ZDHHC9: variants seen among roughly 807,000 people sequenced by gnomAD.
The protein encoded by ZDHHC9 is palmitoyltransferase ZDHHC9.
Under a neutral mutation model 26.6 loss-of-function variants are expected in ZDHHC9, and 3 were observed. That is an observed-to-expected ratio of 0.11 (90% CI 0.05 to 0.29). ZDHHC9 has a LOEUF of 0.29. Ranked by LOEUF, ZDHHC9 falls within the 10% of genes least tolerant of loss-of-function variation. The pLI is 1.00. For missense variants in ZDHHC9, 146 were observed against 296.4 expected (o/e 0.49, Z 3.73); for synonymous variants, 111 against 109.4 (o/e 1.01, Z -0.09).
At chrX:129,809,018 T>C (rs1927578599) in intron 10 of ZDHHC9, among the ~76,000 whole-genome samples, 1 of 112,352 alleles carries the variant, frequency 8.9e-6, no homozygotes, top group Non-Finnish European at 1.9e-5. Context: ...CACAATGAGA[T>C]ACCACTTCAC....
At chrX:129,838,448 G>A (rs1409588251) in intron 3 of ZDHHC9, among the ~76,000 whole-genome samples, 2 of 111,883 alleles carry the variant, frequency 1.8e-5, no homozygotes, top group African/African-American at 6.5e-5. Context: ...GAGGCAGGTG[G>A]ATAACTTGAG....
At chrX:129,839,840 T>A (rs1471713846) in intron 3 of ZDHHC9, among the ~76,000 whole-genome samples, 1 of 111,790 alleles carries the variant, frequency 8.9e-6, no homozygotes, top group African/African-American at 3.3e-5. Context: ...ACACATTTAC[T>A]TCCTTCTCCC....
chrX:129,814,674 G>A lies in ZDHHC9; in HGVS notation c.609C>T (p.Ile203=), dbSNP rs781147368. The A allele has an allele frequency of 4.1e-6, 5 of 1,209,246 alleles. No individual in the cohort carries two copies. Among genetic ancestry groups the A allele is most frequent in the African/African-American group, 3.5e-5 (2 of 57,036 alleles). The change falls in exon 6 of 11, where the codon ATC becomes ATT. Residue 203 remains isoleucine (I), a synonymous_variant. Coordinates refer to ENST00000357166, the MANE Select transcript of ZDHHC9 (RefSeq NM_016032.4). The stretch of plus-strand genomic sequence containing the variant: ...TATACTCACTGAGGGCCACATAGAC[G>A]ATGTTGAAGGCGAAGACATAGATTG... ...LLTIYVFAFN[I]VYVALKSLKI...
intron 5 of ZDHHC9, among the ~76,000 whole-genome samples, chrX:129,820,337 T>C (rs1927854034): frequency 9.2e-6 from 1 of 108,189 alleles, no homozygotes; most frequent in African/African-American, 3.4e-5. Flanking sequence ...CACAACACTT[T>C]GGGAAGCTGC....
intron 5 of ZDHHC9, among the ~76,000 whole-genome samples, chrX:129,821,296 CT>C (rs748605366): frequency 1.7e-3 from 172 of 99,154 alleles, no homozygotes; most frequent in Admixed American, 2.0e-3. Flanking sequence ...AGACCTTCTT[CT>C]TTTTTTTTTT....
chrX:129,823,456 T>A, intron 5 of ZDHHC9: 1 of 413,312 alleles, frequency 2.4e-6, no homozygotes, highest in Non-Finnish European at 4.2e-6. Flanking sequence ...AAGAGGTTTT[T>A]GTAAAGTTTA....
At chrX:129,820,425 CAAA>C (rs72086397) in intron 5 of ZDHHC9, among the ~76,000 whole-genome samples, 7,702 of 64,802 alleles carry the variant, frequency 0.12, 810 homozygotes, top group African/African-American at 0.32. Context: ...ACAAAAAATA[CAAA>C]AAAAAAAAAA....
intron 10 of ZDHHC9, among the ~76,000 whole-genome samples, chrX:129,810,156 C>G (rs1927605160): frequency 9.2e-6 from 1 of 108,628 alleles, no homozygotes; most frequent in Non-Finnish European, 1.9e-5. Flanking sequence ...GCAGACCATC[C>G]TGGCCAGGAT....
intron 3 of ZDHHC9, among the ~76,000 whole-genome samples, chrX:129,840,868 T>C (rs1395650777): frequency 9.1e-6 from 1 of 110,431 alleles, no homozygotes; most frequent in Non-Finnish European, 1.9e-5. Context: ...CTACCTCCCA[T>C]GGACACACCC....
chrX:129,838,030 A>T (rs1928298163), intron 3 of ZDHHC9, among the ~76,000 whole-genome samples: 1 of 112,571 alleles, frequency 8.9e-6, no homozygotes, highest in African/African-American at 3.2e-5. Context: ...TTAAGCAGAA[A>T]GAACTGAAAA....
intron 3 of ZDHHC9, among the ~76,000 whole-genome samples, chrX:129,839,367 A>G (rs1367933242): frequency 4.5e-5 from 5 of 109,894 alleles, no homozygotes; most frequent in Non-Finnish European, 9.5e-5. Context: ...CACAACAGCC[A>G]CACGGGGCTA....
intron 3 of ZDHHC9, among the ~76,000 whole-genome samples, chrX:129,834,224 T>C (rs1363531819): frequency 8.9e-6 from 1 of 111,818 alleles, no homozygotes; most frequent in Non-Finnish European, 1.9e-5. Context: ...CTTGATCTTG[T>C]ACTTGCCAGC....
chrX:129,811,481 C>T lies in ZDHHC9; in HGVS notation c.806G>A (p.Arg269His), dbSNP rs1164995885. The change falls in exon 9 of 11, where the codon CGC becomes CAC. Residue 269 changes from arginine (R) to histidine (H), a missense_variant. Transcript: ENST00000357166. ...GCCATGGCTGTAGGGATTCTGGACG[C>T]GATTCTTCCCTGTCCATGATCCTTT... ...DIKGSWTGKN[R>H]VQNPYSHGNI... The T allele has an allele frequency of 1.7e-6, 2 of 1,208,583 alleles. No homozygotes were observed. Among genetic ancestry groups the T allele is most frequent in the East Asian group, 3.0e-5 (1 of 33,814 alleles).
intron 5 of ZDHHC9, among the ~76,000 whole-genome samples, chrX:129,820,230 C>T (rs1569319604): frequency 9.0e-6 from 1 of 111,116 alleles, no homozygotes; most frequent in African/African-American, 3.3e-5. Flanking sequence ...CCAATTTACA[C>T]TCTTACTAGT....
intron 10 of ZDHHC9, among the ~76,000 whole-genome samples, chrX:129,810,321 G>A (rs892172000): frequency 9.1e-6 from 1 of 109,725 alleles, no homozygotes; most frequent in Non-Finnish European, 1.9e-5. Flanking sequence ...ACTCCAGCCT[G>A]GGTGACAGAG....
intron 5 of ZDHHC9, among the ~76,000 whole-genome samples, chrX:129,818,540 C>CA (rs1469087235): frequency 1.8e-5 from 2 of 112,115 alleles, no homozygotes; most frequent in African/African-American, 3.2e-5. Flanking sequence ...AGTGTTACAA[C>CA]AATGAATAAA....
At position 129,806,247 on chromosome X, in the gene ZDHHC9, A is replaced by G; in HGVS notation, c.*123T>C. The G allele has an allele frequency of 1.5e-6, 1 of 660,303 alleles. No homozygotes were observed. Among genetic ancestry groups the G allele is most frequent in the Non-Finnish European group, 2.5e-6 (1 of 398,946 alleles). 54.4% of individuals were successfully genotyped at this position (660,303 alleles called of 1,213,427 possible). On this transcript the variant is annotated 3_prime_UTR_variant, in exon 11 of 11. Coordinates refer to ENST00000357166, the MANE Select transcript of ZDHHC9 (RefSeq NM_016032.4). ...AATGCCAGTGTGCAACTGGGTGACT[A>G]AAGACCAAAGAAAAACAGTTAAAAG... is the stretch of plus-strand genomic sequence containing the variant.
chrX:129,829,450 C>T, intron 3 of ZDHHC9, among the ~76,000 whole-genome samples: 1 of 111,919 alleles, frequency 8.9e-6, no homozygotes, highest in Non-Finnish European at 1.9e-5. Flanking sequence ...AGGAAAGGTT[C>T]ACACCTGCTA....
At chrX:129,839,739 G>C (rs2124138322) in intron 3 of ZDHHC9, among the ~76,000 whole-genome samples, 1 of 110,689 alleles carries the variant, frequency 9.0e-6, no homozygotes, top group African/African-American at 3.3e-5. Flanking sequence ...ACATACACAA[G>C]CACGCACATC....
Sources: gnomAD v4.1 joint callset for allele counts (sites outside exome capture counted in the v4.1 genomes callset) on GRCh38, gnomAD v4.1.1 for gene constraint, MANE v1.5 for transcripts, NCBI Gene and HGNC (gene_info 2026-07-23, HGNC 2026-07-21) for gene names.